Variants in ARNT observed in about 807,000 individuals in gnomAD.
The protein encoded by ARNT is class E basic helix-loop-helix protein 2.
A neutral mutation model predicts 105.0 loss-of-function variants in ARNT; 30 were observed. That is an observed-to-expected ratio of 0.29 (90% CI 0.21 to 0.39). The LOEUF (loss-of-function observed/expected upper bound fraction) is 0.39, where lower values mean the gene tolerates loss of function less well. Ranked by LOEUF, ARNT falls within the 10% of genes least tolerant of loss-of-function variation. ARNT has a pLI of 1.00. For missense variants in ARNT, 748 were observed against 978.7 expected (o/e 0.76, Z 3.15); for synonymous variants, 304 against 344.0 (o/e 0.88, Z 1.29).
At chr1:150,823,060 G>T in intron 14 of ARNT, 134 bp downstream of exon 14, 1 of 814,680 alleles carries the variant, frequency 1.2e-6, no homozygotes, top group Non-Finnish European at 1.7e-6. Context: ...GGGACTACAG[G>T]CACATGCCAC....
In ARNT at chr1:150,836,402, A is replaced by G; in HGVS notation, c.578T>C (p.Val193Ala). The part of the protein sequence containing the change: ...TGRVVYVSDS[V>A]TPVLNQPQSE... ...CTGTGGCTGGTTCAAAACAGGAGTC[A>G]CGGAGTCAGACACATACACCACCCT... The change falls in exon 7 of 22, where the codon GTG (valine) becomes GCG (alanine). Residue 193 changes from valine to alanine, a missense_variant. Physicochemically the swap from Val to Ala is moderately conservative, Grantham distance 64. Transcript: ENST00000358595. The G allele has an allele frequency of 6.2e-7, 1 of 1,614,184 alleles. No homozygotes were observed. Among genetic ancestry groups the G allele is most frequent in the Non-Finnish European group, 8.5e-7 (1 of 1,180,024 alleles).
intron 1 of ARNT, among the ~76,000 whole-genome samples, chr1:150,866,745 T>C (rs587770639): frequency 1.3e-5 from 2 of 152,208 alleles, no homozygotes; most frequent in South Asian, 2.1e-4. Flanking sequence ...GAAGAGTTAA[T>C]AACCCAGATA....
chr1:150,868,011 T>C (rs762023246), intron 1 of ARNT, among the ~76,000 whole-genome samples: 23 of 152,112 alleles, frequency 1.5e-4, no homozygotes, highest in Admixed American at 5.2e-4. Flanking sequence ...TAGTTATTTA[T>C]AGCAGTGTGA....
intron 1 of ARNT, among the ~76,000 whole-genome samples, chr1:150,874,208 C>T (rs759838372): frequency 7.2e-5 from 11 of 152,000 alleles, no homozygotes; most frequent in South Asian, 2.1e-4. Context: ...CACCTATGTC[C>T]CTCCATTCAT....
intron 4 of ARNT, among the ~76,000 whole-genome samples, chr1:150,843,272 A>G (rs587604107): frequency 6.6e-6 from 1 of 152,360 alleles, no homozygotes; most frequent in African/African-American, 2.4e-5. Context: ...GAAAACTGAG[A>G]TACTGTAATG....
In ARNT at chr1:150,811,983, T is replaced by C; in HGVS notation, c.*38A>G. On this transcript the variant is annotated 3_prime_UTR_variant, in exon 22 of 22. Coordinates refer to ENST00000358595, the MANE Select transcript of ARNT (RefSeq NM_001668.4). ...TTTGCTTTTTAAAAACAAACAGTGA[T>C]TTTTTCTCCCCCACCCCTTATCCTC... 7.2e-7 allele frequency: 1 copy of C among 1,397,674 alleles called. No homozygotes were observed. Among genetic ancestry groups the C allele is most frequent in the Non-Finnish European group, 9.5e-7 (1 of 1,054,842 alleles). 86.6% of individuals were successfully genotyped at this position (1,397,674 alleles called of 1,614,324 possible). A position where few individuals can be genotyped will look rare whatever the true frequency, so the allele number is the denominator to read the frequency against.
chr1:150,876,402 G>A (rs1414826408), intron 1 of ARNT, 141 bp downstream of exon 1: 2 of 1,211,104 alleles, frequency 1.7e-6, no homozygotes, highest in African/African-American at 3.3e-5. Flanking sequence ...CCAGGTCACC[G>A]CTCCCCCACC....
intron 6 of ARNT, among the ~76,000 whole-genome samples, chr1:150,836,818 G>A (rs1382555955): frequency 6.6e-6 from 1 of 152,192 alleles, no homozygotes; most frequent in Non-Finnish European, 1.5e-5. Flanking sequence ...AAAGTGGGAG[G>A]GTCACTGAGT....
chr1:150,851,118 T>C (rs1284736384), intron 3 of ARNT, among the ~76,000 whole-genome samples: 1 of 125,388 alleles, frequency 8.0e-6, no homozygotes. Context: ...GTGAGGAGCA[T>C]CTCCGCCCGG....
chr1:150,865,632 T>C lies in ARNT; in HGVS notation c.26-7172A>G, dbSNP rs955156. 3.5e-3 allele frequency among the ~76,000 whole-genome samples: 526 copies of C among 152,270 alleles called. 7 individuals carry two copies. The highest frequency in any genetic ancestry group is 0.029 in the Admixed American group (441 of 15,274). ...CCATTCTGTCAAAAGACAGATTTAC[T>C]CTCTGGAGAGTATAAATCAAAGGTC... On this transcript the variant is annotated intron_variant, in intron 1 of 21. Transcript: ENST00000358595.
At chr1:150,840,383 G>A (rs1184154360) in intron 5 of ARNT, among the ~76,000 whole-genome samples, 1 of 152,150 alleles carries the variant, frequency 6.6e-6, no homozygotes, top group Non-Finnish European at 1.5e-5. Flanking sequence ...TTAAAGGCCA[G>A]AAAATAAAAG....
chr1:150,849,480 A>G (rs1662902468), intron 3 of ARNT, among the ~76,000 whole-genome samples: 1 of 152,170 alleles, frequency 6.6e-6, no homozygotes, highest in South Asian at 2.1e-4. Context: ...CTCCTTCATC[A>G]ATATATTAAA....
intron 3 of ARNT, among the ~76,000 whole-genome samples, chr1:150,849,536 A>C (rs759226567): frequency 4.6e-5 from 7 of 152,176 alleles, no homozygotes; most frequent in Middle Eastern, 3.2e-3. Context: ...CTGTAATCCC[A>C]ACACTTTGGA....
At chr1:150,852,662 C>T in intron 3 of ARNT, 100 bp downstream of exon 3, 4 of 1,022,800 alleles carry the variant, frequency 3.9e-6, no homozygotes, top group Non-Finnish European at 5.8e-6. Context: ...ATGAAGTACT[C>T]TCCTTAGACC....
intron 12 of ARNT, among the ~76,000 whole-genome samples, chr1:150,828,838 G>C (rs1274914243): frequency 2.6e-5 from 4 of 152,230 alleles, no homozygotes; most frequent in African/African-American, 9.6e-5. Context: ...TGAATCATCT[G>C]TATTAATATC....
chr1:150,836,832 G>C (rs779763411), intron 6 of ARNT, among the ~76,000 whole-genome samples: 22 of 152,194 alleles, frequency 1.4e-4, no homozygotes, highest in Non-Finnish European at 5.9e-5. Flanking sequence ...ACTGAGTCCA[G>C]GAGTTCAAGA....
At chr1:150,812,718 TTC>T (rs1654985364) in intron 21 of ARNT, 1 of 153,674 alleles carries the variant, frequency 6.5e-6, no homozygotes, top group Non-Finnish European at 1.4e-5. Flanking sequence ...TTTTTAATCA[TTC>T]TGTCTCTTTT....
rs1659054188 is a variant in ARNT at position 150,829,997 on chromosome 1, T to C, written c.956-17A>G. 1 of 1,613,898 alleles carries C rather than the reference T, an allele frequency of 6.2e-7. No homozygotes were observed. Reference sequence around the variant, plus strand: ...GGGAAACACCTTCAGAAACGTGACGTTAAAAGGTTTAACGGGGACCTCCAA... The same window carrying C: ...GGGAAACACCTTCAGAAACGTGACGCTAAAAGGTTTAACGGGGACCTCCAA... On this transcript the variant is annotated splice_polypyrimidine_tract_variant and intron_variant, in intron 10 of 21. Transcript: ENST00000358595.
rs775894926 is a variant in ARNT, at chr1:150,842,385, T to G, written c.272+39A>C. ...AAGAAAAAGGATAGAAAAAGCAGCA[T>G]CATCTGCTTCATCATGCTAAAAGAC... On this transcript the variant is annotated intron_variant, in intron 5 of 21. Transcript: ENST00000358595. The G allele has an allele frequency of 1.1e-5, 18 of 1,598,098 alleles. No individual in the cohort carries two copies. In the Middle Eastern group the frequency reaches 5.0e-4, roughly 44 times the overall value.
Sources: allele counts gnomAD v4.1 joint callset (sites outside exome capture counted in the v4.1 genomes callset), GRCh38; gene constraint gnomAD v4.1.1; transcripts MANE v1.5; gene names NCBI Gene and HGNC (gene_info 2026-07-23, HGNC 2026-07-21).